UHRF1: variants seen among roughly 807,000 people sequenced by gnomAD.
The protein encoded by UHRF1 is ubiquitin like with PHD and ring finger domains 1.
A neutral mutation model predicts 96.5 loss-of-function variants in UHRF1; 9 were observed. The observed-to-expected ratio is 0.09, with a 90% CI of 0.06 to 0.16. UHRF1 has a LOEUF of 0.16. UHRF1 is among the 10% of genes least tolerant of loss of function. The pLI is 1.00. For missense variants in UHRF1, 626 were observed against 1,131.1 expected (o/e 0.55, Z 6.40); for synonymous variants, 455 against 469.9 (o/e 0.97, Z 0.41).
upstream of UHRF1, chr19:4,909,456 C>G (rs1343185929): frequency 3.1e-6 from 2 of 654,624 alleles, no homozygotes; most frequent in Admixed American, 4.6e-5. Context: ...CGGCCTCCTG[C>G]GGCCCCGCAA....
At chr19:4,945,599 G>C (rs986762503) in intron 9 of UHRF1, among the ~76,000 whole-genome samples, 8 of 151,594 alleles carry the variant, frequency 5.3e-5, no homozygotes, top group African/African-American at 1.9e-4. Flanking sequence ...GAGCATCGGA[G>C]ATCAGCAGTG....
At chr19:4,958,482 C>CT (rs1295752130) in intron 16 of UHRF1, among the ~76,000 whole-genome samples, 1 of 152,202 alleles carries the variant, frequency 6.6e-6, no homozygotes, top group Non-Finnish European at 1.5e-5. Flanking sequence ...GTAGGAAGGA[C>CT]TGTGGGGACA....
At chr19:4,922,402 A>G (rs2032730125) in intron 2 of UHRF1, among the ~76,000 whole-genome samples, 1 of 151,738 alleles carries the variant, frequency 6.6e-6, no homozygotes, top group Non-Finnish European at 1.5e-5. Flanking sequence ...AGTAGCTGGG[A>G]CTACAGGCGC....
At chr19:4,921,461 A>G (rs1204831246) in intron 2 of UHRF1, among the ~76,000 whole-genome samples, 2 of 151,344 alleles carry the variant, frequency 1.3e-5, no homozygotes, top group Admixed American at 1.3e-4. Flanking sequence ...GAAAAAGGAA[A>G]GTTGGTCAGG....
At chr19:4,908,364 G>A (rs2032116167), upstream of UHRF1, among the ~76,000 whole-genome samples, 1 of 152,122 alleles carries the variant, frequency 6.6e-6, no homozygotes, top group Admixed American at 6.6e-5. Flanking sequence ...AAAAAGCTAA[G>A]TGGGAACTCA....
Position 4,950,989 on chromosome 19 carries a change from C to G in UHRF1, c.1811C>G (p.Thr604Ser), listed in dbSNP as rs772404981. 20 of 1,608,264 alleles carry G rather than the reference C, an allele frequency of 1.2e-5. No homozygotes were observed. Among genetic ancestry groups the G allele is most frequent in the African/African-American group, 2.7e-5 (2 of 74,742 alleles). ...GACCGGATCAAGAAGCTGGGGCTGA[C>G]CATGCAGGTGTGTCTGGGATGGGGG... The part of the protein sequence containing the change: ...GKDRIKKLGL[T>S]MQYPEGYLEA... The change falls in exon 13 of 17, where the codon ACC becomes AGC. Residue 604 changes from threonine (T) to serine (S), a missense_variant. Thr to Ser is a moderately conservative substitution (Grantham distance 58, BLOSUM62 1). This residue lies in a region of UHRF1 where 61 missense variants were observed against 199.2 expected (regional missense o/e 0.31). Transcript: ENST00000650932.
At chr19:4,918,316 T>C (rs1341159380) in intron 2 of UHRF1, among the ~76,000 whole-genome samples, 1 of 151,896 alleles carries the variant, frequency 6.6e-6, no homozygotes, top group African/African-American at 2.4e-5. Context: ...GAGACGGGGT[T>C]TCACCACGTT....
chr19:4,922,467 A>G (rs936212518), intron 2 of UHRF1, among the ~76,000 whole-genome samples: 1 of 151,396 alleles, frequency 6.6e-6, no homozygotes, highest in Non-Finnish European at 1.5e-5. Context: ...GGGTTTTGCC[A>G]TGTTGGCCAG....
chr19:4,905,407 C>A (rs1171414116), upstream of UHRF1, among the ~76,000 whole-genome samples: 1 of 151,746 alleles, frequency 6.6e-6, no homozygotes, highest in Admixed American at 6.6e-5. Context: ...GTGTGAGCCA[C>A]CACACCCGGC....
At position 4,954,361 on chromosome 19, in the gene UHRF1, C is replaced by T. The variant is rs557714114; in HGVS notation, c.1830C>T (p.Gly610=). The T allele has an allele frequency of 1.2e-6, 2 of 1,612,578 alleles. No individual in the cohort carries two copies. The highest frequency in any genetic ancestry group is 1.7e-6 in the Non-Finnish European group (2 of 1,179,634). The change falls in exon 14 of 17, where the codon GGC becomes GGT. Residue 610 remains glycine (G), a synonymous_variant. Transcript: ENST00000650932. The surrounding 1 kb of genome is among the most constrained non-coding windows in gnomAD (Gnocchi z 5.9). ...TCTTCCTCCTGAAGTATCCAGAAGG[C>T]TACCTGGAAGCCCTGGCCAACCGAG... ...KLGLTMQYPE[G]YLEALANRER...
chr19:4,914,535 T>C (rs2032415920), intron 2 of UHRF1, among the ~76,000 whole-genome samples: 1 of 151,864 alleles, frequency 6.6e-6, no homozygotes, highest in Non-Finnish European at 1.5e-5. Context: ...TTGGGCTGAA[T>C]AGGGTGACAG....
intron 2 of UHRF1, among the ~76,000 whole-genome samples, chr19:4,918,663 C>G (rs938020936): frequency 6.6e-6 from 1 of 151,514 alleles, no homozygotes; most frequent in African/African-American, 2.4e-5. Flanking sequence ...ATCTGCCGGC[C>G]TCAGCCTCCC....
At chr19:4,940,256 G>A (rs140523622) in intron 5 of UHRF1, among the ~76,000 whole-genome samples, 16 of 150,996 alleles carry the variant, frequency 1.1e-4, no homozygotes, top group African/African-American at 3.6e-4. Flanking sequence ...TCCCTCGGAC[G>A]TTGCTGATGG....
At chr19:4,956,921 C>T (rs573684058) in intron 16 of UHRF1, 108 bp downstream of exon 16, 7 of 803,424 alleles carry the variant, frequency 8.7e-6, no homozygotes, top group Admixed American at 4.1e-5. Context: ...GGCTTTGCTC[C>T]GCTCACTCTG....
intron 16 of UHRF1, among the ~76,000 whole-genome samples, chr19:4,959,249 G>A (rs903664956): frequency 7.2e-5 from 11 of 151,826 alleles, no homozygotes; most frequent in Non-Finnish European, 1.6e-4. Flanking sequence ...AGAATCCCTT[G>A]AACCCGGGAG....
intron 13 of UHRF1, among the ~76,000 whole-genome samples, chr19:4,951,571 G>A (rs2145204664): frequency 6.6e-6 from 1 of 152,064 alleles, no homozygotes; most frequent in South Asian, 2.1e-4. Context: ...GATGACATTT[G>A]CTTCTCCGCC....
chr19:4,914,968 TC>T (rs2032436629), intron 2 of UHRF1, among the ~76,000 whole-genome samples: 1 of 152,194 alleles, frequency 6.6e-6, no homozygotes, highest in Non-Finnish European at 1.5e-5. Context: ...GGCCAGGTCA[TC>T]CTCTGGCTGG....
In UHRF1 at chr19:4,930,620, C is replaced by G; in HGVS notation, c.409-96C>G. On this transcript the variant is annotated intron_variant, in intron 3 of 16. Transcript: ENST00000650932. This position sits in a 1 kb window ranked among gnomAD's most constrained non-coding sequence, Gnocchi z 4.4. ...CGCTGTGGGCATTCGAGTTTGCGCC[C>G]TGGTTCCAGAGCATCCCAGTGTCCG... 6.9e-7 allele frequency: 1 copy of G among 1,444,600 alleles called. No homozygotes were observed. The highest frequency in any genetic ancestry group is 1.4e-5 in the African/African-American group (1 of 71,182). 89.5% of individuals were successfully genotyped at this position (1,444,600 alleles called of 1,614,324 possible).
upstream of UHRF1, among the ~76,000 whole-genome samples, chr19:4,904,858 G>A (rs531635277): frequency 6.6e-6 from 1 of 152,262 alleles, no homozygotes; most frequent in East Asian, 1.9e-4. Context: ...AATTATTCCT[G>A]GCACCTGATT....
Sources: allele counts gnomAD v4.1 joint callset (sites outside exome capture counted in the v4.1 genomes callset), GRCh38; gene constraint gnomAD v4.1.1; regional missense constraint gnomAD v4.1.1; non-coding constraint Gnocchi (gnomAD v3.1); transcripts MANE v1.5; gene names NCBI Gene and HGNC (gene_info 2026-07-23, HGNC 2026-07-21).